FSD1L: variants seen among roughly 807,000 people sequenced by gnomAD.
The protein encoded by FSD1L is FSD1-like protein.
Under a neutral mutation model 71.6 loss-of-function variants are expected in FSD1L, and 45 were observed. The observed-to-expected ratio is 0.63, with a 90% confidence interval of 0.49 to 0.81. FSD1L has a LOEUF of 0.81. Ranked by LOEUF, FSD1L falls within the 30% of genes least tolerant of loss-of-function variation. The pLI, the probability that FSD1L is intolerant of heterozygous loss-of-function variation, is 0.00. For synonymous variants in FSD1L, 197 were observed against 207.2 expected, an observed-to-expected ratio of 0.95 and a Z score of 0.42; for missense variants, 561 against 618.1, an observed-to-expected ratio of 0.91 and a Z score of 0.98.
chr9:105,482,167 CTG>C (rs1832251115), intron 6 of FSD1L, among the ~76,000 whole-genome samples: 1 of 152,104 alleles, frequency 6.6e-6, no homozygotes. Flanking sequence ...ATGAAAATGT[CTG>C]TGAAAACTCA....
chr9:105,533,664 G>A (rs12235779), intron 10 of FSD1L, among the ~76,000 whole-genome samples: 16,322 of 150,156 alleles, frequency 0.11, 1,161 homozygotes, highest in Admixed American at 0.21. Flanking sequence ...TTCGAGATCC[G>A]CCTGTCTTGG....
intron 10 of FSD1L, among the ~76,000 whole-genome samples, chr9:105,516,397 A>C (rs1834725673): frequency 6.6e-6 from 1 of 152,202 alleles, no homozygotes; most frequent in Non-Finnish European, 1.5e-5. Context: ...CCTGACTAGG[A>C]GACACCTCCC....
chr9:105,464,249 G>C lies in FSD1L; in HGVS notation c.125G>C (p.Arg42Thr), dbSNP rs776821757. Residue 42 changes from arginine to threonine, a missense_variant, in exon 3 of 14, where the codon AGG (arginine) becomes ACG (threonine). By Grantham distance (71) the Arg-to-Thr change is moderately conservative. Coordinates refer to ENST00000481272, the MANE Select transcript of FSD1L (RefSeq NM_001145313.3). ...SINLQQEALQ[R>T]IISTLANKND... The stretch of plus-strand genomic sequence containing the variant: ...TCTTAATTCTAGGAAGCTCTACAGA[G>C]GATCATTTCAACTCTGGCAAATAAA... The C allele has an allele frequency of 6.6e-7, 1 of 1,506,328 alleles. No homozygotes were observed. The highest frequency in any genetic ancestry group is 1.2e-5 in the South Asian group (1 of 81,208). 93.3% of individuals were successfully genotyped at this position (1,506,328 alleles called of 1,614,324 possible). A position where few individuals can be genotyped will look rare whatever the true frequency, so the allele number is the denominator to read the frequency against.
rs1032959117 is a variant in FSD1L at position 105,506,615 on chromosome 9, T to C, written c.796+7T>C. On this transcript the variant is annotated splice_region_variant and intron_variant, in intron 8 of 13. Transcript: ENST00000481272. ...ACTGAATATACACTATCAGGTAACA[T>C]GACTGCATTTTAGGACTCTCATTCT... The C allele has an allele frequency of 2.0e-6, 3 of 1,505,892 alleles. No homozygotes were observed. Among genetic ancestry groups the C allele is most frequent in the Non-Finnish European group, 2.7e-6 (3 of 1,105,572 alleles). 93.3% of individuals were successfully genotyped at this position (1,505,892 alleles called of 1,614,324 possible). A position where few individuals can be genotyped will look rare whatever the true frequency, so the allele number is the denominator to read the frequency against.
chr9:105,507,295 C>CT (rs1451913658), intron 8 of FSD1L, among the ~76,000 whole-genome samples: 80 of 152,274 alleles, frequency 5.3e-4, no homozygotes, highest in African/African-American at 1.9e-3. Flanking sequence ...AAGAATGTCT[C>CT]AGTATATAGT....
At chr9:105,491,911 T>C (rs1440318328) in intron 7 of FSD1L, among the ~76,000 whole-genome samples, 3 of 152,190 alleles carry the variant, frequency 2.0e-5, no homozygotes, top group Non-Finnish European at 4.4e-5. Context: ...CATTATCTTA[T>C]TGAGGATTTT....
chr9:105,519,503 A>T (rs1339176958), intron 10 of FSD1L, among the ~76,000 whole-genome samples: 3 of 152,200 alleles, frequency 2.0e-5, no homozygotes, highest in African/African-American at 7.2e-5. Context: ...AACATATAGA[A>T]ATCAATAAAT....
intron 7 of FSD1L, among the ~76,000 whole-genome samples, chr9:105,495,339 T>C: frequency 6.6e-6 from 1 of 152,306 alleles, no homozygotes; most frequent in Middle Eastern, 3.4e-3. Context: ...GCGCTGTTTT[T>C]AAAGCCCGTC....
intron 10 of FSD1L, chr9:105,524,848 A>G: frequency 6.3e-7 from 1 of 1,591,026 alleles, no homozygotes; most frequent in Non-Finnish European, 8.6e-7. Flanking sequence ...CTAACAAGTC[A>G]GGTGTGTGAA....
intron 10 of FSD1L, among the ~76,000 whole-genome samples, chr9:105,531,362 T>C (rs1423380333): frequency 6.6e-6 from 1 of 152,220 alleles, no homozygotes; most frequent in Non-Finnish European, 1.5e-5. Context: ...TTTCATTTCA[T>C]TCTTACCTAG....
chr9:105,537,926 G>A (rs1336282888), intron 12 of FSD1L, among the ~76,000 whole-genome samples: 1 of 152,162 alleles, frequency 6.6e-6, no homozygotes, highest in Non-Finnish European at 1.5e-5. Flanking sequence ...TGTAGAAGTA[G>A]AATTCATAGG....
intron 7 of FSD1L, among the ~76,000 whole-genome samples, chr9:105,499,785 GTCT>G (rs1419046457): frequency 2.7e-5 from 4 of 150,720 alleles, no homozygotes; most frequent in South Asian, 2.1e-4. Context: ...GTTCCTTTCT[GTCT>G]TCTTCTTCTG....
chr9:105,462,060 G>T (rs1472680990), intron 2 of FSD1L, among the ~76,000 whole-genome samples: 4 of 151,932 alleles, frequency 2.6e-5, no homozygotes, highest in Non-Finnish European at 2.9e-5. Flanking sequence ...TGTAATTTCT[G>T]AAATGCAAAG....
chr9:105,505,514 C>T (rs1395172490), intron 7 of FSD1L, among the ~76,000 whole-genome samples: 1 of 152,196 alleles, frequency 6.6e-6, no homozygotes, highest in Non-Finnish European at 1.5e-5. Flanking sequence ...CTGCCTTGGC[C>T]TCCCAAAGTG....
chr9:105,522,106 G>C, intron 10 of FSD1L: 1 of 1,613,718 alleles, frequency 6.2e-7, no homozygotes, highest in Non-Finnish European at 8.5e-7. Flanking sequence ...CGACTTGCAG[G>C]ACCACTTTTC....
chr9:105,506,328 G>A (rs1231541721), intron 7 of FSD1L, 71 bp from the exon 8 acceptor site: 2 of 1,110,446 alleles, frequency 1.8e-6, no homozygotes, highest in African/African-American at 3.2e-5. Context: ...ATATAAATGT[G>A]ATATCAATAT....
intron 13 of FSD1L, among the ~76,000 whole-genome samples, chr9:105,544,826 G>A (rs574603741): frequency 7.7e-4 from 117 of 152,306 alleles, no homozygotes; most frequent in Middle Eastern, 3.4e-3. Flanking sequence ...TTTGGTTCCT[G>A]TAGCCTTGTA....
intron 9 of FSD1L, among the ~76,000 whole-genome samples, chr9:105,511,586 G>A (rs1834398055): frequency 6.6e-6 from 1 of 152,084 alleles, no homozygotes; most frequent in African/African-American, 2.4e-5. Context: ...TTTAAATGCA[G>A]ATGTTGAAAG....
chr9:105,452,669 G>GCCTGCCTGCCTTCCTGCCTGCCTTCCTT (rs1191519308), intron 1 of FSD1L, among the ~76,000 whole-genome samples: 15 of 96,240 alleles, frequency 1.6e-4, no homozygotes, highest in African/African-American at 5.9e-4. Context: ...CTGCCTGCCT[G>GCCTGCCTGCCTTCCTGCCTGCCTTCCTT]CCTTCCTTCC....
Sources: allele counts gnomAD v4.1 joint callset (sites outside exome capture counted in the v4.1 genomes callset), GRCh38; gene constraint gnomAD v4.1.1; transcripts MANE v1.5; gene names NCBI Gene and HGNC (gene_info 2026-07-23, HGNC 2026-07-21).